CEP290: variants seen among roughly 807,000 people sequenced by gnomAD.
CEP290 encodes centrosomal protein of 290 kDa.
A neutral mutation model predicts 344.9 loss-of-function variants in CEP290; 317 were observed. The observed-to-expected ratio is 0.92, with a 90% CI of 0.84 to 1.01. CEP290 has a LOEUF of 1.01. CEP290 is among the 50% of genes least tolerant of loss of function. The pLI is 0.00. For synonymous variants in CEP290, 932 were observed against 895.8 expected, an observed-to-expected ratio of 1.04 and a Z score of -0.72; for missense variants, 2,754 against 2,761.4, an observed-to-expected ratio of 1.00 and a Z score of 0.06.
intron 34 of CEP290, among the ~76,000 whole-genome samples, chr12:88,085,122 T>C (rs936125856): frequency 3.9e-5 from 6 of 152,084 alleles, no homozygotes; most frequent in African/African-American, 1.4e-4. Context: ...TATTGAGATA[T>C]TACAGTTTAG....
At position 88,064,377 on chromosome 12, in the gene CEP290, T is replaced by C. The variant is rs374620897; in HGVS notation, c.6136-262A>G. The stretch of plus-strand genomic sequence containing the variant: ...TGTCCATACATATAATGCCTTCATG[T>C]ATAATTTCATAATGGTTAAACTGAT... On this transcript the variant is annotated intron_variant, in intron 44 of 53. Coordinates refer to ENST00000552810, the MANE Select transcript of CEP290 (RefSeq NM_025114.4). Among the ~76,000 whole-genome samples, 25 of 152,234 alleles carry C rather than the reference T, an allele frequency of 1.6e-4. No individual in the cohort carries two copies. In the South Asian group the frequency reaches 5.2e-3, roughly 32 times the overall value.
At chr12:88,124,020 A>G (rs1254272909) in intron 13 of CEP290, among the ~76,000 whole-genome samples, 1 of 152,044 alleles carries the variant, frequency 6.6e-6, no homozygotes, top group Non-Finnish European at 1.5e-5. Context: ...TGCTACCACC[A>G]TGCCCCAAAC....
chr12:88,109,586 C>A (rs1302776024), intron 22 of CEP290, among the ~76,000 whole-genome samples: 2 of 152,110 alleles, frequency 1.3e-5, no homozygotes, highest in African/African-American at 4.8e-5. Flanking sequence ...AACTCATTAA[C>A]ACTACACTTG....
chr12:88,060,935 T>G lies in CEP290; in HGVS notation c.6417A>C (p.Lys2139Asn), dbSNP rs543979340. The G allele has an allele frequency of 1.6e-5, 25 of 1,559,582 alleles. No individual in the cohort carries two copies. The highest frequency in any genetic ancestry group is 2.7e-5 in the African/African-American group (2 of 73,804). Residue 2139 changes from lysine (K) to asparagine (N), a missense_variant, in exon 47 of 54, where the codon AAA (lysine) becomes AAC (asparagine). Coordinates refer to ENST00000552810, the MANE Select transcript of CEP290 (RefSeq NM_025114.4). ...TTTCTCTCTGGACTTTTTCAACTAC[T>G]TTTTTCATTAAACCAATGGTTTTTT... The part of the protein sequence containing the change: ...ELEKTIGLMK[K>N]VVEKVQRENE...
chr12:88,068,425 A>T (rs2035103297), intron 44 of CEP290, 97 bp downstream of exon 44: 2 of 774,914 alleles, frequency 2.6e-6, no homozygotes, highest in South Asian at 5.8e-5. Flanking sequence ...AATGAGAAAG[A>T]TGTAATGCTT....
Position 88,082,984 on chromosome 12 carries a change from T to C in CEP290, c.5012+47A>G, listed in dbSNP as rs909261384. 18 of 1,095,650 alleles carry C rather than the reference T, an allele frequency of 1.6e-5. 1 individual carries two copies. Among genetic ancestry groups the C allele is most frequent in the Non-Finnish European group, 2.4e-5 (18 of 761,222 alleles). 67.9% of individuals were successfully genotyped at this position (1,095,650 alleles called of 1,614,324 possible). Reference sequence around the variant, plus strand: ...CAAACACTTATGTTTATCTTCATTATATCACTTATCATTTGCCTATTTTTA... The same window carrying C: ...CAAACACTTATGTTTATCTTCATTACATCACTTATCATTTGCCTATTTTTA... On this transcript the variant is annotated intron_variant, in intron 37 of 53. Transcript: ENST00000552810.
intron 26 of CEP290, among the ~76,000 whole-genome samples, chr12:88,099,036 T>C (rs1203155590): frequency 6.6e-6 from 1 of 152,210 alleles, no homozygotes; most frequent in Non-Finnish European, 1.5e-5. Flanking sequence ...GAGGAAGTTT[T>C]AAACAATCAT....
chr12:88,070,048 G>A (rs943760586), intron 43 of CEP290, among the ~76,000 whole-genome samples: 2 of 152,030 alleles, frequency 1.3e-5, no homozygotes, highest in Non-Finnish European at 2.9e-5. Context: ...TGCTTTTCAC[G>A]ACCATGACTG....
Position 88,076,590 on chromosome 12 carries a change from C to T in CEP290, c.5709+632G>A, listed in dbSNP as rs368864994. Among the ~76,000 whole-genome samples, 140 of 146,742 alleles carry T rather than the reference C, an allele frequency of 9.5e-4. 2 individuals are homozygous for T. In the South Asian group the frequency reaches 0.012, roughly 12 times the overall value. On this transcript the variant is annotated intron_variant, in intron 41 of 53. Transcript: ENST00000552810. ...ATTGTCCATAACAAATTTAATTACA[C>T]GCATTTTAGCCAATTTTAGTTTTTT...
intron 1 of CEP290, 22 bp from the exon 2 acceptor site, chr12:88,141,356 T>A (rs750330172): frequency 1.6e-6 from 2 of 1,257,700 alleles, no homozygotes; most frequent in Non-Finnish European, 2.2e-6. Context: ...CAGGTGTATA[T>A]TAGCATTTTC....
chr12:88,100,441 G>A (rs559398523), intron 26 of CEP290, among the ~76,000 whole-genome samples: 7 of 150,682 alleles, frequency 4.6e-5, no homozygotes, highest in East Asian at 1.9e-4. Context: ...TCTGATTTTC[G>A]TGACCTCTAG....
In CEP290 at chr12:88,083,151, G is replaced by C; in HGVS notation, c.4892C>G (p.Ala1631Gly). 1 of 1,555,650 alleles carries C rather than the reference G, an allele frequency of 6.4e-7. No individual in the cohort carries two copies. Among genetic ancestry groups the C allele is most frequent in the South Asian group, 1.2e-5 (1 of 82,052 alleles). Residue 1631 changes from alanine to glycine, a missense_variant, in exon 37 of 54, where the codon GCA becomes GGA. Ala to Gly is a moderately conservative substitution (Grantham distance 60, BLOSUM62 0). Coordinates refer to ENST00000552810, the MANE Select transcript of CEP290 (RefSeq NM_025114.4). ...TGAGGAAAGAGAGTCATCTTGTTCT[G>C]CTACTGTCTGTTCCATCTCAGCCAG... ...IRLAEMEQTV[A>G]EQDDSLSSLL...
chr12:88,110,207 A>G (rs2038581693), intron 22 of CEP290, among the ~76,000 whole-genome samples: 1 of 152,190 alleles, frequency 6.6e-6, no homozygotes, highest in Admixed American at 6.5e-5. Context: ...AATTATATTT[A>G]TAATGTATGT....
intron 6 of CEP290, among the ~76,000 whole-genome samples, chr12:88,133,679 AGT>A (rs1409564627): frequency 2.6e-5 from 4 of 152,214 alleles, no homozygotes; most frequent in Admixed American, 1.3e-4. Flanking sequence ...TAACACCAAC[AGT>A]GTGTTTCTTA....
chr12:88,115,027 G>A (rs1053684991), intron 19 of CEP290, 71 bp downstream of exon 19: 28 of 750,652 alleles, frequency 3.7e-5, no homozygotes, highest in South Asian at 3.2e-4. Flanking sequence ...ATGTGTTAAC[G>A]CCCTTTTAGG....
At chr12:88,056,584 G>T (rs994734357) in intron 49 of CEP290, among the ~76,000 whole-genome samples, 9 of 152,088 alleles carry the variant, frequency 5.9e-5, no homozygotes, top group Admixed American at 1.3e-4. Flanking sequence ...AATATCAGAA[G>T]CTTACTCCTT....
chr12:88,059,813 C>G, intron 48 of CEP290, 85 bp downstream of exon 48: 1 of 1,105,688 alleles, frequency 9.0e-7, no homozygotes, highest in Non-Finnish European at 1.3e-6. Context: ...TACAGACACT[C>G]TCATCAAGGA....
chr12:88,052,874 TG>T (rs1191915538), intron 52 of CEP290, among the ~76,000 whole-genome samples: 1 of 152,158 alleles, frequency 6.6e-6, no homozygotes, highest in African/African-American at 2.4e-5. Flanking sequence ...TGCACTATGC[TG>T]TGCTGCCCTC....
Position 88,118,633 on chromosome 12 carries a change from C to A in CEP290, c.1623+10G>T, listed in dbSNP as rs377529198. 6 of 1,611,680 alleles carry A rather than the reference C, an allele frequency of 3.7e-6. No homozygotes were observed. Among genetic ancestry groups the A allele is most frequent in the Non-Finnish European group, 5.1e-6 (6 of 1,178,118 alleles). On this transcript the variant is annotated intron_variant, in intron 16 of 53. Transcript: ENST00000552810. ...AGCCAAGAAAATAATCAACTGACTA[C>A]CACACTTGCCTCTTTCAAAAGAATC...
Sources: allele counts gnomAD v4.1 joint callset (sites outside exome capture counted in the v4.1 genomes callset), GRCh38; gene constraint gnomAD v4.1.1; transcripts MANE v1.5; gene names NCBI Gene and HGNC (gene_info 2026-07-23, HGNC 2026-07-21).